Variants in C17orf75 observed in about 807,000 individuals in gnomAD.
C17orf75 encodes protein Njmu-R1.
C17orf75 carries 32 observed loss-of-function variants against 49.6 expected under a neutral mutation model. The ratio of observed to expected loss-of-function variants is 0.65; its 90% CI spans 0.49 to 0.87. C17orf75 has a LOEUF of 0.87. C17orf75 is among the 40% of genes least tolerant of loss of function. C17orf75 has a pLI of 0.00. For synonymous variants in C17orf75, 158 were observed against 159.5 expected, an observed-to-expected ratio of 0.99 and a Z score of 0.07; for missense variants, 428 against 473.9, an observed-to-expected ratio of 0.90 and a Z score of 0.90.
chr17:32,339,853 C>T lies in C17orf75; in HGVS notation c.307G>A (p.Val103Ile). ...GCAACATTACCCAGCCCTTCAAAGA[C>T]TGCACCTCTTGAAAGACGCTTAGCA... ...FIAKRLSRGAVFEGLGNVASV... is the reference protein window; with the variant it reads ...FIAKRLSRGAIFEGLGNVASV... The change falls in exon 3 of 10, where the codon GTC becomes ATC. Residue 103 changes from valine to isoleucine, a missense_variant. Val to Ile is a conservative substitution (Grantham distance 29). Transcript: ENST00000577809. The T allele has an allele frequency of 6.2e-7, 1 of 1,614,070 alleles. No homozygotes were observed. The highest frequency in any genetic ancestry group is 8.5e-7 in the Non-Finnish European group (1 of 1,179,906).
intron 3 of C17orf75, 115 bp downstream of exon 3, chr17:32,339,698 G>A: frequency 7.1e-7 from 1 of 1,405,694 alleles, no homozygotes; most frequent in South Asian, 1.4e-5. Flanking sequence ...CGGGCTGCCA[G>A]AGAATAAAGA....
At chr17:32,332,812 C>T (rs546302478) in intron 9 of C17orf75, among the ~76,000 whole-genome samples, 76 of 152,106 alleles carry the variant, frequency 5.0e-4, no homozygotes, top group African/African-American at 1.4e-3. Flanking sequence ...ACGTCCCCAT[C>T]AGAATTTTTT....
upstream of C17orf75, among the ~76,000 whole-genome samples, chr17:32,345,956 C>G (rs1399402716): frequency 6.6e-6 from 1 of 152,020 alleles, no homozygotes; most frequent in Non-Finnish European, 1.5e-5. Flanking sequence ...TGCTTCTAGG[C>G]CCTCTCAGCT....
exon 1 of C17orf75, chr17:32,350,005 GAA>G (rs2041469589): frequency 7.6e-7 from 1 of 1,314,700 alleles, no homozygotes; most frequent in Admixed American, 2.9e-5. Flanking sequence ...CAGCGAAAGC[GAA>G]AAACTCTGAA....
chr17:32,348,237 G>T (rs2150782285), intron 1 of C17orf75, among the ~76,000 whole-genome samples: 1 of 152,046 alleles, frequency 6.6e-6, no homozygotes, highest in Non-Finnish European at 1.5e-5. Context: ...TGGCCAGGCT[G>T]GTCTTCAACT....
At position 32,328,877 on chromosome 17, in the gene C17orf75, G is replaced by A. The variant is rs1312565418; in HGVS notation, c.*2886C>T. The A allele has an allele frequency of 1.3e-5, 2 of 148,750 alleles. No individual in the cohort carries two copies. The highest frequency in any genetic ancestry group is 5.0e-5 in the African/African-American group (2 of 39,992). 9.2% of individuals were successfully genotyped at this position (148,750 alleles called of 1,614,324 possible). A position where few individuals can be genotyped will look rare whatever the true frequency, so the allele number is the denominator to read the frequency against. On this transcript the variant is annotated 3_prime_UTR_variant, in exon 10 of 10. Coordinates refer to ENST00000577809, the MANE Select transcript of C17orf75 (RefSeq NM_022344.4). Reference sequence around the variant, plus strand: ...CACACTCCAGCCTGGGTGACAGAGCGAGATTCTGTCTTAAAAAATAAAACA... The same window carrying A: ...CACACTCCAGCCTGGGTGACAGAGCAAGATTCTGTCTTAAAAAATAAAACA...
chr17:32,340,263 T>C (rs764533788), intron 2 of C17orf75, among the ~76,000 whole-genome samples: 3 of 152,190 alleles, frequency 2.0e-5, no homozygotes, highest in African/African-American at 4.8e-5. Context: ...AATTCCATGG[T>C]CAGTCATTAT....
chr17:32,349,478 G>T (rs965596986), intron 1 of C17orf75, among the ~76,000 whole-genome samples: 6 of 152,154 alleles, frequency 3.9e-5, no homozygotes, highest in Non-Finnish European at 5.9e-5. Context: ...CTACTCGGGA[G>T]GCTGAGGTAG....
At chr17:32,344,598 A>G (rs909265650), upstream of C17orf75, among the ~76,000 whole-genome samples, 1 of 149,796 alleles carries the variant, frequency 6.7e-6, no homozygotes, top group African/African-American at 2.5e-5. Context: ...CTCAAAAAAA[A>G]AAAAAAAAAG....
intron 6 of C17orf75, 48 bp from the exon 7 acceptor site, chr17:32,334,887 C>A: frequency 6.8e-7 from 1 of 1,461,686 alleles, no homozygotes; most frequent in Non-Finnish European, 9.3e-7. Flanking sequence ...TCCAGTTTTT[C>A]TTGAGCAGCT....
At chr17:32,340,983 G>T in intron 2 of C17orf75, 1 of 560,822 alleles carries the variant, frequency 1.8e-6, no homozygotes, top group Non-Finnish European at 3.2e-6. Context: ...ATTTCTTTTT[G>T]GCTAATCACC....
rs2041250224 is a variant in C17orf75, at chr17:32,328,591, T to A, written c.*3172A>T. The A allele has an allele frequency of 6.6e-6, 1 of 152,224 alleles. No individual in the cohort carries two copies. The allele number at this position is 152,224 out of a possible 1,614,324, so 9.4% of individuals were successfully genotyped here. A position where few individuals can be genotyped will look rare whatever the true frequency, so the allele number is the denominator to read the frequency against. On this transcript the variant is annotated 3_prime_UTR_variant, in exon 10 of 10. Transcript: ENST00000577809. ...ATATTCCATGTCTGAACAAATCCTT[T>A]TTAAAACTTTAAAAGCTGGCTGGGC...
At chr17:32,339,999 TCAGA>T in intron 2 of C17orf75, 61 bp from the exon 3 acceptor site, 1 of 1,591,912 alleles carries the variant, frequency 6.3e-7, no homozygotes, top group Non-Finnish European at 8.6e-7. Flanking sequence ...ACCCATTAAG[TCAGA>T]CAGAATGGTA....
intron 1 of C17orf75, among the ~76,000 whole-genome samples, chr17:32,341,493 G>T (rs1322091045): frequency 1.3e-5 from 2 of 152,150 alleles, no homozygotes; most frequent in African/African-American, 4.8e-5. Flanking sequence ...TGGAGGAAAG[G>T]CTAAATACCC....
Position 32,331,616 on chromosome 17 carries a change from A to T in C17orf75, c.*147T>A. 1 of 673,050 alleles carries T rather than the reference A, an allele frequency of 1.5e-6. No individual in the cohort carries two copies. Among genetic ancestry groups the T allele is most frequent in the Non-Finnish European group, 2.5e-6 (1 of 400,512 alleles). 41.7% of individuals were successfully genotyped at this position (673,050 alleles called of 1,614,324 possible). ...GAAGATGTTCTTCAGATTTTTATTT[A>T]AGTTAAATTGGTAAAATACAAAAAG... On this transcript the variant is annotated 3_prime_UTR_variant, in exon 10 of 10. Transcript: ENST00000577809.
At position 32,335,368 on chromosome 17, in the gene C17orf75, C is replaced by A; in HGVS notation, c.624G>T (p.Arg208Ser). 3 of 1,613,854 alleles carry A rather than the reference C, an allele frequency of 1.9e-6. No individual in the cohort carries two copies. The highest frequency in any genetic ancestry group is 2.5e-6 in the Non-Finnish European group (3 of 1,179,830). The change falls in exon 6 of 10, where the codon AGG becomes AGT. Residue 208 changes from arginine to serine, a missense_variant. Transcript: ENST00000577809. ...GCTTTTCCTGAAAGAGAAGAACAAC[C>A]CTTTGGATTGGGCATACAACATCCT... Reference protein sequence around the residue: ...WFEDVVCPIQRVVLLFQEKLT... With the variant: ...WFEDVVCPIQSVVLLFQEKLT...
Position 32,339,727 on chromosome 17 carries a change from T to C in C17orf75, c.347+86A>G, listed in dbSNP as rs953144887. The C allele has an allele frequency of 1.0e-5, 16 of 1,546,066 alleles. No homozygotes were observed. In the Admixed American group the frequency reaches 3.0e-4, roughly 29 times the overall value. ...ATAAAGACAAATTCTGCAGGTCTAG[T>C]AGGAGCTGATCTTTTGGAGTTTCTC... On this transcript the variant is annotated intron_variant, in intron 3 of 9. Coordinates refer to ENST00000577809, the MANE Select transcript of C17orf75 (RefSeq NM_022344.4).
intron 8 of C17orf75, 33 bp downstream of exon 8, chr17:32,334,436 T>G (rs371405177): frequency 7.9e-5 from 127 of 1,599,746 alleles, no homozygotes; most frequent in Non-Finnish European, 1.1e-4. Flanking sequence ...TCGCAAGAGA[T>G]GTAGGAAGGC....
At position 32,339,493 on chromosome 17, in the gene C17orf75, G is replaced by A. The variant is rs538213519; in HGVS notation, c.347+320C>T. ...TCCCAGCTACTTGGGAGGCTGAGGT[G>A]AGAGGATTGATTAAGCCCAGGAGGT... On this transcript the variant is annotated intron_variant, in intron 3 of 9. Coordinates refer to ENST00000577809, the MANE Select transcript of C17orf75 (RefSeq NM_022344.4). Among the ~76,000 whole-genome samples, 169 of 151,890 alleles carry A rather than the reference G, an allele frequency of 1.1e-3. 1 individual carries two copies. The highest frequency in any genetic ancestry group is 3.4e-3 in the Middle Eastern group (1 of 292).
Sources: allele counts gnomAD v4.1 joint callset (sites outside exome capture counted in the v4.1 genomes callset), GRCh38; gene constraint gnomAD v4.1.1; transcripts MANE v1.5; gene names NCBI Gene and HGNC (gene_info 2026-07-23, HGNC 2026-07-21).